CSMD1: variants seen among roughly 807,000 people sequenced by gnomAD.
CSMD1 encodes the protein CUB and sushi domain-containing protein 1.
Under a neutral mutation model 417.5 loss-of-function variants are expected in CSMD1, and 213 were observed. That is an observed-to-expected ratio of 0.51 (90% CI 0.46 to 0.57). The LOEUF (loss-of-function observed/expected upper bound fraction) is 0.57, where lower values mean the gene tolerates loss of function less well. CSMD1 is among the 20% of genes least tolerant of loss of function. The pLI is 0.00. For synonymous variants in CSMD1, 2,862 were observed against 1,736.8 expected (o/e 1.65, Z -16.11); for missense variants, 6,923 against 4,529.7 (o/e 1.53, Z -15.17).
chr8:4,798,435 T>A (rs2117269354), intron 1 of CSMD1, among the ~76,000 whole-genome samples: 1 of 152,274 alleles, frequency 6.6e-6, no homozygotes. Context: ...TATTTTATTT[T>A]TAAAAAGGAG....
intron 10 of CSMD1, among the ~76,000 whole-genome samples, chr8:3,526,278 A>C (rs1051084712): frequency 6.6e-6 from 1 of 152,118 alleles, no homozygotes; most frequent in African/African-American, 2.4e-5. Flanking sequence ...CTACCAAAAG[A>C]AAAGAAAAGC....
At chr8:3,864,200 T>A (rs1013875287) in intron 5 of CSMD1, among the ~76,000 whole-genome samples, 2 of 152,178 alleles carry the variant, frequency 1.3e-5, no homozygotes, top group African/African-American at 2.4e-5. Flanking sequence ...AACAGAATAA[T>A]AATTCAGAAA....
Position 4,487,640 on chromosome 8 carries a change from CT to C in CSMD1, c.303-67576del, listed in dbSNP as rs1464478850. On this transcript the variant is annotated intron_variant, in intron 2 of 69. Transcript: ENST00000635120. ...AATTAAAGTAGAAATAAGGCACACC[CT>C]TGATTTTGTTTCAAAAAAAGGATTT... Among the ~76,000 whole-genome samples, 23 of 152,208 alleles carry C rather than the reference CT, an allele frequency of 1.5e-4. No individual in the cohort carries two copies. The East Asian group carries it at 4.2e-3, about 28-fold the overall frequency.
chr8:3,232,676 T>C (rs568666987), intron 26 of CSMD1, among the ~76,000 whole-genome samples: 1 of 152,188 alleles, frequency 6.6e-6, no homozygotes, highest in Non-Finnish European at 1.5e-5. Context: ...GTCTTTTAAT[T>C]GGATAGTTTA....
At chr8:3,230,739 C>A (rs1798788562) in intron 26 of CSMD1, among the ~76,000 whole-genome samples, 1 of 152,086 alleles carries the variant, frequency 6.6e-6, no homozygotes, top group Non-Finnish European at 1.5e-5. Flanking sequence ...TACCCAGGAT[C>A]CCATAGGTGA....
At chr8:3,301,187 A>G (rs778943929) in intron 25 of CSMD1, among the ~76,000 whole-genome samples, 76 of 151,860 alleles carry the variant, frequency 5.0e-4, no homozygotes, top group Non-Finnish European at 8.2e-4. Context: ...ATAAACATAA[A>G]TTTTTAAAAT....
chr8:3,465,291 A>G (rs547053993), intron 12 of CSMD1, among the ~76,000 whole-genome samples: 7 of 152,322 alleles, frequency 4.6e-5, no homozygotes, highest in Admixed American at 1.3e-4. Flanking sequence ...AAAAGGGTCC[A>G]TTAACTGAGT....
Position 2,998,040 on chromosome 8 carries a change from T to C in CSMD1, c.8348A>G (p.Gln2783Arg), listed in dbSNP as rs1459592843. The change falls in exon 54 of 70, where the codon CAG becomes CGG. Residue 2783 changes from glutamine (Q) to arginine (R), a missense_variant. Physicochemically the swap from Gln to Arg is conservative, Grantham distance 43. Transcript: ENST00000635120. ...ACACGTGGGCAGAGGGCTACTCCAC[T>C]GGCCGTTGCTCCGACACTGGGCTCG... Reference protein sequence around the residue: ...VSRAQCRSNGQWSSPLPTCRV... With the variant: ...VSRAQCRSNGRWSSPLPTCRV... 2.5e-6 allele frequency: 4 copies of C among 1,613,854 alleles called. No homozygotes were observed. The highest frequency in any genetic ancestry group is 2.2e-5 in the East Asian group (1 of 44,882).
intron 2 of CSMD1, among the ~76,000 whole-genome samples, chr8:4,587,771 A>C (rs1417872328): frequency 6.6e-6 from 1 of 152,186 alleles, no homozygotes; most frequent in African/African-American, 2.4e-5. Context: ...ATGCTAACAC[A>C]AGCACTTTTC....
intron 16 of CSMD1, 33 bp downstream of exon 16, chr8:3,399,358 T>C (rs1484703734): frequency 1.9e-6 from 3 of 1,568,000 alleles, no homozygotes; most frequent in Non-Finnish European, 2.6e-6. Flanking sequence ...ACACACACCA[T>C]TGGGTCCAAA....
chr8:4,286,787 G>A (rs1323784392), intron 3 of CSMD1, among the ~76,000 whole-genome samples: 4 of 152,302 alleles, frequency 2.6e-5, no homozygotes, highest in East Asian at 3.9e-4. Flanking sequence ...CTGTTTGGCT[G>A]AGAATGTTTC....
intron 2 of CSMD1, among the ~76,000 whole-genome samples, chr8:4,598,363 G>C (rs1381328987): frequency 6.6e-6 from 1 of 152,164 alleles, no homozygotes; most frequent in African/African-American, 2.4e-5. Context: ...GTTAGGGGCT[G>C]GTGCCTAGAT....
Position 3,411,972 on chromosome 8 carries a change from ATATATACACGTATATATACGTG to A in CSMD1, c.1562-2389_1562-2368del, listed in dbSNP as rs200311502. On this transcript the variant is annotated intron_variant, in intron 12 of 69. Transcript: ENST00000635120. ...TATATATACACGTATATATGCACGT[ATATATACACGTATATATACGTG>A]TATATACACGTATATATATACATAT... is the stretch of plus-strand genomic sequence containing the variant. 3.8e-4 allele frequency among the ~76,000 whole-genome samples: 2 copies of A among 5,304 alleles called. 1 individual carries two copies. The highest frequency in any genetic ancestry group is 1.1e-3 in the African/African-American group (2 of 1,812). 3.5% of individuals were successfully genotyped at this position (5,304 alleles called of 152,430 possible). A position where few individuals can be genotyped will look rare whatever the true frequency, so the allele number is the denominator to read the frequency against.
At chr8:3,533,976 G>C (rs1356315475) in intron 10 of CSMD1, among the ~76,000 whole-genome samples, 1 of 152,098 alleles carries the variant, frequency 6.6e-6, no homozygotes, top group Non-Finnish European at 1.5e-5. Context: ...ACAAAATTTT[G>C]TTTTGGCAAT....
chr8:4,333,800 T>C (rs1039732054), intron 3 of CSMD1, among the ~76,000 whole-genome samples: 1 of 152,156 alleles, frequency 6.6e-6, no homozygotes, highest in Non-Finnish European at 1.5e-5. Flanking sequence ...TGGAAACACA[T>C]TGCTTGTGTG....
At chr8:4,505,276 C>T (rs1802459838) in intron 2 of CSMD1, among the ~76,000 whole-genome samples, 1 of 151,994 alleles carries the variant, frequency 6.6e-6, no homozygotes, top group Non-Finnish European at 1.5e-5. Flanking sequence ...TAAATGTGTT[C>T]TTTAGAACAG....
chr8:4,695,455 T>C (rs1478158560), intron 1 of CSMD1, among the ~76,000 whole-genome samples: 1 of 152,226 alleles, frequency 6.6e-6, no homozygotes, highest in Non-Finnish European at 1.5e-5. Flanking sequence ...AGATGTTATG[T>C]GGACTCAGTT....
At chr8:4,854,958 G>A (rs1350262698) in intron 1 of CSMD1, among the ~76,000 whole-genome samples, 3 of 152,206 alleles carry the variant, frequency 2.0e-5, no homozygotes, top group African/African-American at 7.2e-5. Flanking sequence ...ACCTCTGGGG[G>A]CAGGGCACAG....
chr8:4,601,147 G>T (rs982484031), intron 2 of CSMD1, among the ~76,000 whole-genome samples: 1 of 152,050 alleles, frequency 6.6e-6, no homozygotes, highest in African/African-American at 2.4e-5. Context: ...TAGTGATAGG[G>T]TTTCTCCATG....
Sources: gnomAD v4.1 joint callset for allele counts (sites outside exome capture counted in the v4.1 genomes callset) on GRCh38, gnomAD v4.1.1 for gene constraint, MANE v1.5 for transcripts, NCBI Gene and HGNC (gene_info 2026-07-23, HGNC 2026-07-21) for gene names.